The following LYPLAL1 variants were observed in gnomAD, a reference collection of about 807,000 sequenced individuals.
The protein encoded by LYPLAL1 is lysophospholipase-like protein 1.
A neutral mutation model predicts 19.7 loss-of-function variants in LYPLAL1; 23 were observed. The ratio of observed to expected loss-of-function variants is 1.17; its 90% CI spans 0.84 to 1.65. The LOEUF (loss-of-function observed/expected upper bound fraction) is 1.65. Ranked by LOEUF, LYPLAL1 falls within the 40% of genes most tolerant of loss-of-function variation. The pLI is 0.00. For missense variants in LYPLAL1, 355 were observed against 279.4 expected, an observed-to-expected ratio of 1.27 and a Z score of -1.93; for synonymous variants, 119 against 96.3, an observed-to-expected ratio of 1.24 and a Z score of -1.38.
the LYPLAL1 span, among the ~76,000 whole-genome samples, chr1:219,399,898 A>G: frequency 6.6e-6 from 1 of 152,148 alleles, no homozygotes; most frequent in Non-Finnish European, 1.5e-5. Flanking sequence ...GCTCTGCTAC[A>G]GATGCTCCCA....
At chr1:219,417,736 G>C in the LYPLAL1 span, among the ~76,000 whole-genome samples, 1 of 152,236 alleles carries the variant, frequency 6.6e-6, no homozygotes, top group East Asian at 1.9e-4. Flanking sequence ...ATGACCAGTG[G>C]CTTTGCCACC....
At chr1:219,431,319 A>G in the LYPLAL1 span, among the ~76,000 whole-genome samples, 1 of 152,184 alleles carries the variant, frequency 6.6e-6, no homozygotes, top group Non-Finnish European at 1.5e-5. Flanking sequence ...TCTGCCTCCC[A>G]AATACTTGTG....
At chr1:219,247,589 G>A in the LYPLAL1 span, among the ~76,000 whole-genome samples, 1 of 152,312 alleles carries the variant, frequency 6.6e-6, no homozygotes, top group African/African-American at 2.4e-5. Context: ...ACCAGAACTA[G>A]GCTCTGCTTC....
downstream of LYPLAL1, among the ~76,000 whole-genome samples, chr1:219,216,683 G>T (rs1381557215): frequency 6.6e-6 from 1 of 151,958 alleles, no homozygotes; most frequent in Non-Finnish European, 1.5e-5. Context: ...AGAATTGCGG[G>T]GGCACCTCTG....
At chr1:219,210,387 C>G (rs1036033999) in intron 3 of LYPLAL1, 145 bp from the exon 4 acceptor site, 1 of 517,704 alleles carries the variant, frequency 1.9e-6, no homozygotes, top group South Asian at 3.3e-5. Context: ...AGGCCTTTGT[C>G]TGTGAAACTT....
chr1:219,307,733 A>G, the LYPLAL1 span, among the ~76,000 whole-genome samples: 3 of 152,132 alleles, frequency 2.0e-5, no homozygotes, highest in Non-Finnish European at 4.4e-5. Context: ...TGAATCATGG[A>G]GGCAGTTTTC....
the LYPLAL1 span, among the ~76,000 whole-genome samples, chr1:219,269,648 A>G: frequency 6.6e-6 from 1 of 152,222 alleles, no homozygotes. Context: ...TTTTATAAAT[A>G]CATCAGTCTA....
At chr1:219,215,083 G>A (rs1022688457), downstream of LYPLAL1, among the ~76,000 whole-genome samples, 2 of 151,964 alleles carry the variant, frequency 1.3e-5, no homozygotes, top group Non-Finnish European at 2.9e-5. Flanking sequence ...TCAATTTTTT[G>A]TGAAGACCTG....
At chr1:219,355,078 G>A in the LYPLAL1 span, among the ~76,000 whole-genome samples, 5 of 152,154 alleles carry the variant, frequency 3.3e-5, no homozygotes, top group East Asian at 5.8e-4. Context: ...TGCATACTGT[G>A]AGCCATAGAG....
At chr1:219,291,992 C>T in the LYPLAL1 span, among the ~76,000 whole-genome samples, 1 of 152,172 alleles carries the variant, frequency 6.6e-6, no homozygotes, top group African/African-American at 2.4e-5. Flanking sequence ...ATCCCAGGCA[C>T]TTATGAATAT....
the LYPLAL1 span, among the ~76,000 whole-genome samples, chr1:219,231,267 A>T: frequency 6.6e-5 from 10 of 152,198 alleles, no homozygotes; most frequent in African/African-American, 2.4e-4. Flanking sequence ...TGTTTGAAAC[A>T]TGTTAGAGGA....
chr1:219,208,241 A>G (rs1177840945), intron 3 of LYPLAL1, among the ~76,000 whole-genome samples: 1 of 152,094 alleles, frequency 6.6e-6, no homozygotes, highest in Non-Finnish European at 1.5e-5. Context: ...CAGTAACTGT[A>G]CATTTTAAAA....
the LYPLAL1 span, among the ~76,000 whole-genome samples, chr1:219,280,121 T>C: frequency 1.3e-5 from 2 of 152,136 alleles, no homozygotes; most frequent in Admixed American, 1.3e-4. Context: ...AGTTTATAGG[T>C]GAATGCCATT....
chr1:219,262,602 C>CT, the LYPLAL1 span, among the ~76,000 whole-genome samples: 1 of 152,140 alleles, frequency 6.6e-6, no homozygotes, highest in Admixed American at 6.5e-5. Context: ...ATTATTATTG[C>CT]TTTTCTGGGT....
At chr1:219,371,056 G>A in the LYPLAL1 span, among the ~76,000 whole-genome samples, 8 of 152,210 alleles carry the variant, frequency 5.3e-5, no homozygotes, top group African/African-American at 9.6e-5. Context: ...CCATATCATC[G>A]TAGTTATATT....
chr1:219,301,255 A>T, the LYPLAL1 span, among the ~76,000 whole-genome samples: 1 of 152,234 alleles, frequency 6.6e-6, no homozygotes, highest in African/African-American at 2.4e-5. Flanking sequence ...CAAAATAAAT[A>T]AACACATACT....
chr1:219,264,750 C>G, the LYPLAL1 span, among the ~76,000 whole-genome samples: 1 of 152,134 alleles, frequency 6.6e-6, no homozygotes, highest in Admixed American at 6.5e-5. Flanking sequence ...TTTTACAATG[C>G]CTGTGTGAGC....
At chr1:219,177,516 A>T (rs1340914909) in intron 1 of LYPLAL1, among the ~76,000 whole-genome samples, 1 of 152,018 alleles carries the variant, frequency 6.6e-6, no homozygotes, top group African/African-American at 2.4e-5. Context: ...GGCACCTCAC[A>T]CTCAACCTGT....
At chr1:219,397,954 G>A in the LYPLAL1 span, among the ~76,000 whole-genome samples, 21 of 152,124 alleles carry the variant, frequency 1.4e-4, no homozygotes, top group African/African-American at 3.9e-4. Context: ...TTGTAGATGA[G>A]CTGCCCCTTC....
Sources: allele counts gnomAD v4.1 joint callset (sites outside exome capture counted in the v4.1 genomes callset), GRCh38; gene constraint gnomAD v4.1.1; transcripts MANE v1.5; gene names NCBI Gene and HGNC (gene_info 2026-07-23, HGNC 2026-07-21).